The following CRADD variants were observed in gnomAD, a reference collection of about 807,000 sequenced individuals.
The protein encoded by CRADD is death domain-containing protein CRADD.
Under a neutral mutation model 15.5 loss-of-function variants are expected in CRADD, and 9 were observed. That is an observed-to-expected ratio of 0.58 (90% CI 0.35 to 1.01). The LOEUF (loss-of-function observed/expected upper bound fraction) is 1.01. Among genes scored for constraint, CRADD ranks in the 50% least tolerant of loss-of-function variants. CRADD has a pLI of 0.02. For missense variants in CRADD, 227 were observed against 250.3 expected (o/e 0.91, Z 0.63); for synonymous variants, 118 against 107.6 (o/e 1.10, Z -0.60).
chr12:93,823,845 A>C (rs750783301), intron 2 of CRADD, among the ~76,000 whole-genome samples: 11 of 152,196 alleles, frequency 7.2e-5, no homozygotes, highest in Non-Finnish European at 1.3e-4. Flanking sequence ...GAGAAGTCTA[A>C]AGAGACTGTA....
intron 2 of CRADD, among the ~76,000 whole-genome samples, chr12:93,841,671 C>A (rs1454642647): frequency 6.6e-6 from 1 of 152,188 alleles, no homozygotes. Flanking sequence ...AGATTTAATT[C>A]CCTTTCCTGT....
intron 2 of CRADD, among the ~76,000 whole-genome samples, chr12:93,787,475 TGTTGTA>T (rs1394038616): frequency 7.2e-5 from 11 of 152,284 alleles, no homozygotes; most frequent in Non-Finnish European, 1.2e-4. Flanking sequence ...CATGTGCATG[TGTTGTA>T]GTACGTCTGC....
intron 2 of CRADD, among the ~76,000 whole-genome samples, chr12:93,833,362 A>G (rs1957931908): frequency 6.6e-6 from 1 of 152,058 alleles, no homozygotes; most frequent in Non-Finnish European, 1.5e-5. Context: ...TTTTTGAGGT[A>G]GGGTCTCCCT....
chr12:93,749,066 A>G (rs983089218), intron 2 of CRADD, among the ~76,000 whole-genome samples: 10 of 152,340 alleles, frequency 6.6e-5, no homozygotes, highest in South Asian at 6.2e-4. Flanking sequence ...TTCTGGGGAC[A>G]TGATGGTTAA....
chr12:93,711,754 CT>C (rs1271461501), intron 2 of CRADD, among the ~76,000 whole-genome samples: 1 of 47,790 alleles, frequency 2.1e-5, no homozygotes, highest in East Asian at 6.5e-4. Context: ...CCCTCCTAGA[CT>C]CTTTTTTTTT....
intron 2 of CRADD, among the ~76,000 whole-genome samples, chr12:93,843,078 G>A (rs1238572449): frequency 6.6e-6 from 1 of 152,158 alleles, no homozygotes; most frequent in Non-Finnish European, 1.5e-5. Flanking sequence ...ATACCACAAT[G>A]TCTGGTGGTT....
chr12:93,780,535 T>G (rs987928354), intron 2 of CRADD, among the ~76,000 whole-genome samples: 1 of 152,188 alleles, frequency 6.6e-6, no homozygotes, highest in Non-Finnish European at 1.5e-5. Flanking sequence ...AGCCTGGCTC[T>G]TTTCACTGGA....
At chr12:93,716,570 T>A (rs1258169620) in intron 2 of CRADD, among the ~76,000 whole-genome samples, 2 of 152,242 alleles carry the variant, frequency 1.3e-5, no homozygotes, top group Non-Finnish European at 2.9e-5. Context: ...AACCACTGAT[T>A]GTTTTACTAT....
chr12:93,821,775 G>A (rs1023992202), intron 2 of CRADD, among the ~76,000 whole-genome samples: 3 of 152,152 alleles, frequency 2.0e-5, no homozygotes, highest in Admixed American at 1.3e-4. Flanking sequence ...GTTGCAGGAC[G>A]GTAGGGAGTC....
At chr12:93,805,922 G>A (rs1051223291) in intron 2 of CRADD, among the ~76,000 whole-genome samples, 4 of 152,170 alleles carry the variant, frequency 2.6e-5, no homozygotes, top group African/African-American at 7.2e-5. Flanking sequence ...GCTGGGCAAA[G>A]TACAGCAAGT....
chr12:93,766,135 C>A (rs1957025202), intron 2 of CRADD, among the ~76,000 whole-genome samples: 1 of 152,162 alleles, frequency 6.6e-6, no homozygotes. Flanking sequence ...ACTCAAAACG[C>A]CTGCCTGTTC....
At chr12:93,691,971 A>G (rs973857193) in intron 2 of CRADD, among the ~76,000 whole-genome samples, 5 of 152,220 alleles carry the variant, frequency 3.3e-5, no homozygotes, top group Non-Finnish European at 5.9e-5. Flanking sequence ...TGATAGGTGC[A>G]GCAAACCATC....
intron 2 of CRADD, among the ~76,000 whole-genome samples, chr12:93,687,115 G>C (rs1955457904): frequency 6.6e-6 from 1 of 152,176 alleles, no homozygotes; most frequent in Non-Finnish European, 1.5e-5. Flanking sequence ...AAAAGCGGAA[G>C]ACTTTCATCG....
chr12:93,797,426 A>G (rs1957431281), intron 2 of CRADD, among the ~76,000 whole-genome samples: 1 of 152,224 alleles, frequency 6.6e-6, no homozygotes, highest in South Asian at 2.1e-4. Context: ...CAGGTAGTGT[A>G]GAGACAACAG....
intron 2 of CRADD, among the ~76,000 whole-genome samples, chr12:93,717,023 C>T (rs942124672): frequency 6.6e-6 from 1 of 152,238 alleles, no homozygotes; most frequent in African/African-American, 2.4e-5. Context: ...TGTTGCATCA[C>T]ACTATACCAG....
At chr12:93,734,050 T>A (rs947572404) in intron 2 of CRADD, among the ~76,000 whole-genome samples, 1 of 152,040 alleles carries the variant, frequency 6.6e-6, no homozygotes, top group Non-Finnish European at 1.5e-5. Context: ...CATCCTTTTT[T>A]CCCTTCCTCC....
chr12:93,771,496 AACC>A (rs1190374252), intron 2 of CRADD, among the ~76,000 whole-genome samples: 1 of 152,228 alleles, frequency 6.6e-6, no homozygotes. Flanking sequence ...TACCACATAT[AACC>A]CCTTGTCACG....
intron 2 of CRADD, among the ~76,000 whole-genome samples, chr12:93,871,256 A>G (rs546661161): frequency 6.6e-5 from 10 of 152,314 alleles, no homozygotes; most frequent in African/African-American, 1.9e-4. Flanking sequence ...ATGCTCTCCT[A>G]TAATTTTTAA....
chr12:93,811,479 C>G (rs1055275141), intron 2 of CRADD, among the ~76,000 whole-genome samples: 1 of 152,214 alleles, frequency 6.6e-6, no homozygotes, highest in African/African-American at 2.4e-5. Flanking sequence ...TGGCTCAGTG[C>G]TGGTTTTGCT....
Sources: allele counts gnomAD v4.1 joint callset (sites outside exome capture counted in the v4.1 genomes callset), GRCh38; gene constraint gnomAD v4.1.1; transcripts MANE v1.5; gene names NCBI Gene and HGNC (gene_info 2026-07-23, HGNC 2026-07-21).